The following IQCN variants were observed in gnomAD, a reference collection of about 807,000 sequenced individuals.
IQCN encodes the protein IQ domain-containing protein N.
In IQCN, 46 loss-of-function variants were observed where a neutral mutation model predicts 64.4. The ratio of observed to expected loss-of-function variants is 0.71; its 90% CI spans 0.56 to 0.91. The LOEUF (loss-of-function observed/expected upper bound fraction) is 0.91, where lower values mean the gene tolerates loss of function less well. IQCN is among the 40% of genes least tolerant of loss of function. IQCN has a pLI of 0.00. For synonymous variants in IQCN, 733 were observed against 775.6 expected (o/e 0.95, Z 0.91); for missense variants, 1,753 against 1,857.4 (o/e 0.94, Z 1.03).
At position 18,264,786 on chromosome 19, in the gene IQCN, C is replaced by T. The variant is rs1429008585; in HGVS notation, c.2754G>A (p.Glu918=). Residue 918 remains glutamate, a synonymous_variant, in exon 3 of 4, where the codon GAG becomes GAA. Transcript: ENST00000392413. The surrounding 1 kb of genome is among the most constrained non-coding windows in gnomAD (Gnocchi z 4.3). ...WAALNQALSK[E]VLGATVTKAL... ...CTTTGGTGACAGTGGCACCCAGGAC[C>T]TCCTTGGACAGGGCCTGGTTCAGAG... 1 of 1,551,954 alleles carries T rather than the reference C, an allele frequency of 6.4e-7. No individual in the cohort carries two copies. The highest frequency in any genetic ancestry group is 1.2e-5 in the South Asian group (1 of 84,370).
At chr19:18,268,174 C>CTGTGTGTGTGTGTGTGTGTG (rs71336668) in intron 2 of IQCN, among the ~76,000 whole-genome samples, 2 of 134,400 alleles carry the variant, frequency 1.5e-5, no homozygotes, top group Admixed American at 7.4e-5. Context: ...CTGTTTGCCT[C>CTGTGTGTGTGTGTGTGTGTG]TGTGTGTGTG....
chr19:18,268,826 G>A (rs1203791154), intron 2 of IQCN, among the ~76,000 whole-genome samples: 1 of 152,028 alleles, frequency 6.6e-6, no homozygotes, highest in Non-Finnish European at 1.5e-5. Context: ...GCTCGGCATG[G>A]TGGCTCGTGC....
In IQCN at chr19:18,265,393, A is replaced by T; in HGVS notation, c.2147T>A (p.Met716Lys). The T allele has an allele frequency of 6.2e-7, 1 of 1,614,168 alleles. No individual in the cohort carries two copies. Among genetic ancestry groups the T allele is most frequent in the Non-Finnish European group, 8.5e-7 (1 of 1,180,006 alleles). The change falls in exon 3 of 4, where the codon ATG becomes AAG. Residue 716 changes from methionine (M) to lysine (K), a missense_variant. Met to Lys is a moderately conservative substitution (Grantham distance 95, BLOSUM62 -1). Transcript: ENST00000392413. The surrounding 1 kb of genome is among the most constrained non-coding windows in gnomAD (Gnocchi z 4.7). ...TGTGGCCAGATGTGTCTGGGAATGCATCTTGCTCAGACAGGTGTCCAGATG... is the reference window on the plus strand; with the variant it reads ...TGTGGCCAGATGTGTCTGGGAATGCTTCTTGCTCAGACAGGTGTCCAGATG... ...LAHLDTCLSKMHSQTHLATGA... is the reference protein window; with the variant it reads ...LAHLDTCLSKKHSQTHLATGA...
intron 1 of IQCN, among the ~76,000 whole-genome samples, chr19:18,272,347 C>G (rs1969751027): frequency 6.6e-6 from 1 of 151,524 alleles, no homozygotes; most frequent in Non-Finnish European, 1.5e-5. Context: ...AGGCTGGTCT[C>G]AAATTCCTGA....
In IQCN at chr19:18,266,254, GGTCGGTTCTTT is replaced by G; in HGVS notation, c.1275_1285del (p.Lys426SerfsTer120). The stretch of plus-strand genomic sequence containing the variant: ...GATGGAAGCCAGAAGGGAAACCTGA[GGTCGGTTCTTT>G]GCCGTGATGGTCGCAGGGCATGTCT... On this transcript the variant is annotated frameshift_variant, in exon 3 of 4. Transcript: ENST00000392413. LOFTEE classifies it high-confidence loss of function. This position sits in a 1 kb window ranked among gnomAD's most constrained non-coding sequence, Gnocchi z 4.3. 5 of 1,613,968 alleles carry G rather than the reference GGTCGGTTCTTT, an allele frequency of 3.1e-6. No individual in the cohort carries two copies. The highest frequency in any genetic ancestry group is 4.2e-6 in the Non-Finnish European group (5 of 1,179,912).
chr19:18,266,101 GAA>G lies in IQCN; in HGVS notation c.1437_1438del (p.Ser480IlefsTer69). 6.2e-7 allele frequency: 1 copy of G among 1,614,162 alleles called. No individual in the cohort carries two copies. Among genetic ancestry groups the G allele is most frequent in the South Asian group, 1.1e-5 (1 of 91,084 alleles). ...CACCCCAACTGGGCTCCTCTGGGATGAAGTCTTGGACATTGTGGCTGACAGAC... is the reference window on the plus strand; with the variant it reads ...CACCCCAACTGGGCTCCTCTGGGATGGTCTTGGACATTGTGGCTGACAGAC... On this transcript the variant is annotated frameshift_variant, in exon 3 of 4. Transcript: ENST00000392413. LOFTEE classifies it high-confidence loss of function. The surrounding 1 kb of genome is among the most constrained non-coding windows in gnomAD (Gnocchi z 4.3).
At position 18,272,559 on chromosome 19, in the gene IQCN, T is replaced by TA. The variant is rs557411559; in HGVS notation, c.-110+1843dup. On this transcript the variant is annotated intron_variant, in intron 1 of 3. Transcript: ENST00000392413. The stretch of plus-strand genomic sequence containing the variant: ...GCTTCACCTGGTGTCTTCACACCTC[T>TA]ATCCCTAATGCCTCACCAGCGCCCT... Among the ~76,000 whole-genome samples, 287 of 152,154 alleles carry TA rather than the reference T, an allele frequency of 1.9e-3. 1 individual carries two copies. Among genetic ancestry groups the TA allele is most frequent in the Non-Finnish European group, 3.5e-3 (239 of 68,026 alleles).
At position 18,267,148 on chromosome 19, in the gene IQCN, T is replaced by C. The variant is rs1969616843; in HGVS notation, c.392A>G (p.Lys131Arg). 6.2e-7 allele frequency: 1 copy of C among 1,614,120 alleles called. No individual in the cohort carries two copies. The highest frequency in any genetic ancestry group is 1.3e-5 in the African/African-American group (1 of 74,954). Residue 131 changes from lysine to arginine, a missense_variant, in exon 3 of 4, where the codon AAG (lysine) becomes AGG (arginine). By Grantham distance (26) the Lys-to-Arg change is conservative. Coordinates refer to ENST00000392413, the MANE Select transcript of IQCN (RefSeq NM_001145304.2). ...QKLISQMMAA[K>R]AIQEAWRRFN... ...GCGCCGCCAGGCCTCCTGGATGGCCTTGGCCGCCATCATCTGGGAAATCAG... is the reference window on the plus strand; with the variant it reads ...GCGCCGCCAGGCCTCCTGGATGGCCCTGGCCGCCATCATCTGGGAAATCAG...
chr19:18,265,105 A>C lies in IQCN; in HGVS notation c.2435T>G (p.Val812Gly). 1 of 1,603,304 alleles carries C rather than the reference A, an allele frequency of 6.2e-7. No homozygotes were observed. The highest frequency in any genetic ancestry group is 1.1e-5 in the South Asian group (1 of 91,046). The change falls in exon 3 of 4, where the codon GTG becomes GGG. Residue 812 changes from valine to glycine, a missense_variant. Val to Gly is a moderately radical substitution (Grantham distance 109). Coordinates refer to ENST00000392413, the MANE Select transcript of IQCN (RefSeq NM_001145304.2). The surrounding 1 kb of genome is among the most constrained non-coding windows in gnomAD (Gnocchi z 4.7). ...TCCCCCCTGAGTGGTCTTCCCCGGC[A>C]CGTGTCCGTGGGGCTGTGGCTGGGT... ...RQTQPQPHGH[V>G]PGKTTQGGPC...
At chr19:18,260,375 G>A (rs930023901) in intron 3 of IQCN, 1 of 152,664 alleles carries the variant, frequency 6.6e-6, no homozygotes, top group East Asian at 1.9e-4. Context: ...ACGCTGATGG[G>A]TGACACAGAC....
rs1568279206 is a variant in IQCN, at chr19:18,265,480, A to G, written c.2060T>C (p.Leu687Pro). The G allele has an allele frequency of 6.2e-7, 1 of 1,613,160 alleles. No individual in the cohort carries two copies. The highest frequency in any genetic ancestry group is 1.1e-5 in the South Asian group (1 of 91,080). ...CLSQRPLAAP[L>P]TKASSQGHLP... The stretch of plus-strand genomic sequence containing the variant: ...ATGTCCCTGAGATGAGGCCTTGGTC[A>G]GCGGGGCGGCCAGTGGTCTCTGGGA... Residue 687 changes from leucine (L) to proline (P), a missense_variant, in exon 3 of 4, where the codon CTG (leucine) becomes CCG (proline). By Grantham distance (98) the Leu-to-Pro change is moderately conservative. Coordinates refer to ENST00000392413, the MANE Select transcript of IQCN (RefSeq NM_001145304.2). This position sits in a 1 kb window ranked among gnomAD's most constrained non-coding sequence, Gnocchi z 4.7.
At position 18,265,780 on chromosome 19, in the gene IQCN, T is replaced by C; in HGVS notation, c.1760A>G (p.His587Arg). 6.2e-7 allele frequency: 1 copy of C among 1,614,074 alleles called. No homozygotes were observed. Among genetic ancestry groups the C allele is most frequent in the South Asian group, 1.1e-5 (1 of 91,084 alleles). ...AGCCCTGGGGACCCCAGTTCCCGGATGTGGTTGAGCCAGGCACCTGATCTT... is the reference window on the plus strand; with the variant it reads ...AGCCCTGGGGACCCCAGTTCCCGGACGTGGTTGAGCCAGGCACCTGATCTT... ...EGKIRCLAQP[H>R]PGTGVPRAAA... is the part of the protein sequence containing the mutation. Residue 587 changes from histidine to arginine, a missense_variant, in exon 3 of 4, where the codon CAT becomes CGT. By Grantham distance (29) the His-to-Arg change is conservative. Transcript: ENST00000392413. The surrounding 1 kb of genome is among the most constrained non-coding windows in gnomAD (Gnocchi z 4.7).
chr19:18,266,796 G>T lies in IQCN; in HGVS notation c.744C>A (p.Pro248=). Residue 248 remains proline, a synonymous_variant, in exon 3 of 4, where the codon CCC becomes CCA. Transcript: ENST00000392413. This position sits in a 1 kb window ranked among gnomAD's most constrained non-coding sequence, Gnocchi z 4.3. ...LPHQTVTIRF[P]CPVSLDAKCQ... ...ATTTTGCGTCCAGACTCACTGGGCA[G>T]GGAAATCTGATGGTGACCGTCTGGT... The T allele has an allele frequency of 6.2e-7, 1 of 1,614,206 alleles. No individual in the cohort carries two copies. Among genetic ancestry groups the T allele is most frequent in the Non-Finnish European group, 8.5e-7 (1 of 1,180,030 alleles).
At chr19:18,271,983 G>GTT (rs1420539423) in intron 1 of IQCN, among the ~76,000 whole-genome samples, 1 of 151,310 alleles carries the variant, frequency 6.6e-6, no homozygotes, top group Non-Finnish European at 1.5e-5. Flanking sequence ...AGCTAATTTT[G>GTT]TTTGTTTTGT....
chr19:18,263,865 G>A (rs956300823), intron 3 of IQCN, among the ~76,000 whole-genome samples: 2 of 152,206 alleles, frequency 1.3e-5, no homozygotes, highest in African/African-American at 4.8e-5. Context: ...CGATAGATAA[G>A]AGGCCACCCT....
Position 18,265,707 on chromosome 19 carries a change from C to T in IQCN, c.1833G>A (p.Gln611=), listed in dbSNP as rs61740752. 234,766 of 1,613,992 alleles carry T rather than the reference C, an allele frequency of 0.15. 18,590 individuals carry two copies. The highest frequency in any genetic ancestry group is 0.29 in the East Asian group (13,150 of 44,858). The part of the protein sequence containing the change: ...LEAEKIKTGT[Q]KQAKTDMAFK... Reference sequence around the variant, plus strand: ...ATGCCATGTCTGTTTTCGCCTGTTTCTGGGTGCCAGTCTTGATTTTCTCGG... The same window carrying T: ...ATGCCATGTCTGTTTTCGCCTGTTTTTGGGTGCCAGTCTTGATTTTCTCGG... Residue 611 remains glutamine, a synonymous_variant, in exon 3 of 4, where the codon CAG becomes CAA. Coordinates refer to ENST00000392413, the MANE Select transcript of IQCN (RefSeq NM_001145304.2). The surrounding 1 kb of genome is among the most constrained non-coding windows in gnomAD (Gnocchi z 4.7).
rs770339453 is a variant in IQCN at position 18,269,494 on chromosome 19, G to C, written c.-16C>G. 6.2e-7 allele frequency: 1 copy of C among 1,613,900 alleles called. No individual in the cohort carries two copies. Among genetic ancestry groups the C allele is most frequent in the Admixed American group, 1.7e-5 (1 of 60,008 alleles). On this transcript the variant is annotated 5_prime_UTR_variant, in exon 2 of 4. Transcript: ENST00000392413. ...GAAGGGTCATAGATTTGGAGGAGTA[G>C]CAGGAGAAGAAGGTGCAATCTCAGA...
In IQCN at chr19:18,267,318, C is replaced by T. The variant is rs1469457032; in HGVS notation, c.222G>A (p.Thr74=). The T allele has an allele frequency of 5.0e-6, 8 of 1,614,206 alleles. No individual in the cohort carries two copies. Among genetic ancestry groups the T allele is most frequent in the African/African-American group, 4.0e-5 (3 of 75,076 alleles). The change falls in exon 3 of 4, where the codon ACG becomes ACA. Residue 74 remains threonine (T), a synonymous_variant. Coordinates refer to ENST00000392413, the MANE Select transcript of IQCN (RefSeq NM_001145304.2). Reference sequence around the variant, plus strand: ...GGAGGCGTGGGACGCGGCGGGACGCCGTCTTGCCTTCGGCAGGCTGTTGCG... The same window carrying T: ...GGAGGCGTGGGACGCGGCGGGACGCTGTCTTGCCTTCGGCAGGCTGTTGCG... ...HLPQQPAEGK[T]ASRRVPRLRA...
At chr19:18,271,931 T>G (rs947337899) in intron 1 of IQCN, among the ~76,000 whole-genome samples, 1 of 152,054 alleles carries the variant, frequency 6.6e-6, no homozygotes, top group African/African-American at 2.4e-5. Context: ...TGCCTCAGCC[T>G]CCCGAGTAGC....
Sources: allele counts gnomAD v4.1 joint callset (sites outside exome capture counted in the v4.1 genomes callset), GRCh38; gene constraint gnomAD v4.1.1; non-coding constraint Gnocchi (gnomAD v3.1); transcripts MANE v1.5; gene names NCBI Gene and HGNC (gene_info 2026-07-23, HGNC 2026-07-21).